MTRF1: variants seen among roughly 807,000 people sequenced by gnomAD.
MTRF1 encodes mitochondrial translation release factor 1.
MTRF1 carries 51 observed loss-of-function variants against 62.9 expected under a neutral mutation model. The observed-to-expected ratio is 0.81, with a 90% CI of 0.65 to 1.02. The LOEUF (loss-of-function observed/expected upper bound fraction) is 1.02, where lower values mean the gene tolerates loss of function less well. Ranked by LOEUF, MTRF1 falls within the 50% of genes least tolerant of loss-of-function variation. The probability of loss-of-function intolerance (pLI) is 0.00; values close to 1 mark genes in which losing one functional copy is unlikely to be tolerated. For synonymous variants in MTRF1, 158 were observed against 181.9 expected, an observed-to-expected ratio of 0.87 and a Z score of 1.06; for missense variants, 446 against 530.0, an observed-to-expected ratio of 0.84 and a Z score of 1.56.
the MTRF1 span, among the ~76,000 whole-genome samples, chr13:41,286,456 G>C: frequency 1.3e-5 from 2 of 152,080 alleles, no homozygotes; most frequent in South Asian, 4.2e-4. Context: ...TAATACTTAC[G>C]GTTCTTCTAC....
the MTRF1 span, among the ~76,000 whole-genome samples, chr13:41,289,774 C>T: frequency 6.6e-6 from 1 of 152,196 alleles, no homozygotes; most frequent in South Asian, 2.1e-4. Context: ...CTGCAGCCGG[C>T]ATTGGTCAAC....
the MTRF1 span, among the ~76,000 whole-genome samples, chr13:41,276,210 G>A: frequency 3.3e-5 from 5 of 150,698 alleles, no homozygotes; most frequent in Admixed American, 1.3e-4. Context: ...TCACTCTGTT[G>A]CTCAGGCTGG....
At chr13:41,261,607 AT>A (rs1437523942) in intron 1 of MTRF1, 1 of 176,890 alleles carries the variant, frequency 5.7e-6, no homozygotes, top group Non-Finnish European at 1.1e-5. Context: ...TCATAAAGTC[AT>A]TTTCTAAAGT....
the MTRF1 span, among the ~76,000 whole-genome samples, chr13:41,312,012 G>A: frequency 6.6e-6 from 1 of 152,186 alleles, no homozygotes; most frequent in South Asian, 2.1e-4. Flanking sequence ...TTTGCGTTTA[G>A]TTAGATTGCA....
Position 41,217,146 on chromosome 13 carries a change from A to C in MTRF1, c.1307T>G (p.Leu436Arg). ...TGCTGATTTAAGGTGTTCATCCAAAAGTTCAGCAATGGCTTCTTCATCTGC... is the reference window on the plus strand; with the variant it reads ...TGCTGATTTAAGGTGTTCATCCAAACGTTCAGCAATGGCTTCTTCATCTGC... The part of the protein sequence containing the change: ...QSADEEAIAE[L>R]LDEHLKSAK The change falls in exon 10 of 10, where the codon CTT becomes CGT. Residue 436 changes from leucine to arginine, a missense_variant. Leu to Arg is a moderately radical substitution (Grantham distance 102). Transcript: ENST00000379480. 6.2e-7 allele frequency: 1 copy of C among 1,607,782 alleles called. No homozygotes were observed. The highest frequency in any genetic ancestry group is 8.5e-7 in the Non-Finnish European group (1 of 1,176,368).
At chr13:41,252,803 C>T in intron 4 of MTRF1, 51 bp from the exon 5 acceptor site, 4 of 1,498,554 alleles carry the variant, frequency 2.7e-6, no homozygotes, top group African/African-American at 1.4e-5. Flanking sequence ...CGGAAAGCCA[C>T]CCTTAAGACT....
At position 41,223,128 on chromosome 13, in the gene MTRF1, TG is replaced by T. The variant is rs534530700; in HGVS notation, c.1224+127del. 47 of 570,340 alleles carry T rather than the reference TG, an allele frequency of 8.2e-5. 1 individual carries two copies. The highest frequency in any genetic ancestry group is 5.0e-4 in the African/African-American group (26 of 51,822). 35.3% of individuals were successfully genotyped at this position (570,340 alleles called of 1,614,324 possible). A position where few individuals can be genotyped will look rare whatever the true frequency, so the allele number is the denominator to read the frequency against. On this transcript the variant is annotated intron_variant, in intron 9 of 9. Transcript: ENST00000379480. ...ATAAAAGTGTTTGTAAATTTTAGGG[TG>T]GCTTAATGATTTAAATTACTTGGTA...
the MTRF1 span, among the ~76,000 whole-genome samples, chr13:41,302,406 A>AGAT: frequency 0.61 from 91,387 of 150,988 alleles, 30,543 homozygotes; most frequent in South Asian, 0.76. Context: ...AGAGAGAGAG[A>AGAT]CCTTTGTTCT....
the MTRF1 span, among the ~76,000 whole-genome samples, chr13:41,296,391 C>T: frequency 0.029 from 4,407 of 152,272 alleles, 203 homozygotes; most frequent in African/African-American, 0.098. Flanking sequence ...CTCTTTTGAT[C>T]AAATGTTTCA....
chr13:41,233,798 A>T, intron 7 of MTRF1, 92 bp downstream of exon 7: 1 of 967,780 alleles, frequency 1.0e-6, no homozygotes, highest in Non-Finnish European at 1.6e-6. Context: ...GAGCTGTGCA[A>T]GGAACCAGAC....
the MTRF1 span, chr13:41,287,990 G>T: frequency 1.1e-5 from 4 of 377,578 alleles, no homozygotes; most frequent in South Asian, 2.3e-5. Context: ...CCACAAGAAT[G>T]ATGGGAGTGT....
chr13:41,257,461 A>G (rs569652012), intron 2 of MTRF1, among the ~76,000 whole-genome samples: 3 of 152,240 alleles, frequency 2.0e-5, no homozygotes, highest in Admixed American at 6.5e-5. Flanking sequence ...TCATCCATCA[A>G]GCAGTGGATA....
At chr13:41,258,814 G>C (rs1335512296) in intron 2 of MTRF1, among the ~76,000 whole-genome samples, 1 of 151,980 alleles carries the variant, frequency 6.6e-6, no homozygotes, top group Non-Finnish European at 1.5e-5. Context: ...TGCTTCAAAA[G>C]ACAGTATCAA....
intron 7 of MTRF1, among the ~76,000 whole-genome samples, chr13:41,230,879 C>T (rs1021484924): frequency 2.0e-5 from 3 of 152,012 alleles, no homozygotes. Context: ...TACACTACTA[C>T]ACCCAGCTAA....
At chr13:41,239,665 G>A (rs1457733788) in intron 6 of MTRF1, among the ~76,000 whole-genome samples, 1 of 152,132 alleles carries the variant, frequency 6.6e-6, no homozygotes. Context: ...AACTGACCTT[G>A]AAATATTATC....
At chr13:41,244,686 T>G (rs1202583017) in intron 5 of MTRF1, among the ~76,000 whole-genome samples, 1 of 152,214 alleles carries the variant, frequency 6.6e-6, no homozygotes, top group African/African-American at 2.4e-5. Flanking sequence ...CAGGTCGCTA[T>G]GTTGGGAATA....
At chr13:41,254,154 C>T (rs1393633534) in intron 3 of MTRF1, among the ~76,000 whole-genome samples, 1 of 152,178 alleles carries the variant, frequency 6.6e-6, no homozygotes, top group East Asian at 1.9e-4. Flanking sequence ...TCATTCCATT[C>T]TATCCAGAGT....
At chr13:41,290,466 T>G in the MTRF1 span, among the ~76,000 whole-genome samples, 1 of 150,788 alleles carries the variant, frequency 6.6e-6, no homozygotes, top group South Asian at 2.1e-4. Context: ...CAATCTCGGC[T>G]CACTGCAACC....
At chr13:41,273,129 A>C in the MTRF1 span, among the ~76,000 whole-genome samples, 2 of 152,104 alleles carry the variant, frequency 1.3e-5, no homozygotes, top group Middle Eastern at 6.8e-3. Context: ...GATCGAGACC[A>C]TCCTAGCTAA....
Sources: gnomAD v4.1 joint callset for allele counts (sites outside exome capture counted in the v4.1 genomes callset) on GRCh38, gnomAD v4.1.1 for gene constraint, MANE v1.5 for transcripts, NCBI Gene and HGNC (gene_info 2026-07-23, HGNC 2026-07-21) for gene names.